The following CFAP58 variants were observed in gnomAD, a reference collection of about 807,000 sequenced individuals.
CFAP58 encodes the protein cilia- and flagella-associated protein 58.
In CFAP58, 88 loss-of-function variants were observed where a neutral mutation model predicts 119.5. The observed-to-expected ratio is 0.74, with a 90% CI of 0.62 to 0.88. The LOEUF (loss-of-function observed/expected upper bound fraction) is 0.88. Among genes scored for constraint, CFAP58 ranks in the 40% least tolerant of loss-of-function variants. The pLI is 0.00. For missense variants in CFAP58, 990 were observed against 1,021.2 expected, an observed-to-expected ratio of 0.97 and a Z score of 0.42; for synonymous variants, 365 against 366.3, an observed-to-expected ratio of 1.00 and a Z score of 0.04.
intron 1 of CFAP58, among the ~76,000 whole-genome samples, chr10:104,357,855 A>ACACATATATG (rs1564875605): frequency 1.7e-4 from 8 of 46,726 alleles, no homozygotes; most frequent in South Asian, 4.7e-4. Context: ...GTACACATAT[A>ACACATATATG]TACACATATA....
chr10:104,375,229 C>G (rs1016093696), intron 7 of CFAP58, among the ~76,000 whole-genome samples: 1 of 149,736 alleles, frequency 6.7e-6, no homozygotes, highest in African/African-American at 2.4e-5. Context: ...TGTGTATTTA[C>G]AAATATATAT....
At chr10:104,390,672 G>T (rs918412135) in intron 9 of CFAP58, among the ~76,000 whole-genome samples, 1 of 152,124 alleles carries the variant, frequency 6.6e-6, no homozygotes, top group Non-Finnish European at 1.5e-5. Context: ...TGAAAAATAT[G>T]GAAGAATACA....
chr10:104,395,854 T>G (rs1214110642), intron 11 of CFAP58, among the ~76,000 whole-genome samples: 1 of 152,234 alleles, frequency 6.6e-6, no homozygotes, highest in Non-Finnish European at 1.5e-5. Flanking sequence ...TAAGATACCC[T>G]TGGACAGGAC....
At chr10:104,383,688 G>C (rs2011863273) in intron 9 of CFAP58, among the ~76,000 whole-genome samples, 1 of 151,664 alleles carries the variant, frequency 6.6e-6, no homozygotes, top group Non-Finnish European at 1.5e-5. Flanking sequence ...GTGCATCTCT[G>C]GACTTCTTAA....
At chr10:104,379,159 A>AG (rs146611068) in intron 8 of CFAP58, among the ~76,000 whole-genome samples, 1,708 of 152,142 alleles carry the variant, frequency 0.011, 29 homozygotes, top group African/African-American at 0.039. Flanking sequence ...CCTATTCAGC[A>AG]GCCACTCTCT....
At position 104,454,570 on chromosome 10, in the gene CFAP58, A is replaced by T. The variant is rs772631892; in HGVS notation, c.*40A>T. ...CTGTTTCCAGTTGAACAACTCATGA[A>T]ATCTGCTCTGGGACATTTTGGGGGA... On this transcript the variant is annotated 3_prime_UTR_variant, in exon 18 of 18. Transcript: ENST00000369704. The T allele has an allele frequency of 6.9e-7, 1 of 1,445,012 alleles. No individual in the cohort carries two copies. Among genetic ancestry groups the T allele is most frequent in the Non-Finnish European group, 9.7e-7 (1 of 1,026,718 alleles). The allele number at this position is 1,445,012 out of a possible 1,614,324, so 89.5% of individuals were successfully genotyped here.
upstream of CFAP58, chr10:104,351,785 C>T (rs2014462138): frequency 6.6e-6 from 1 of 151,682 alleles, no homozygotes; most frequent in Non-Finnish European, 1.5e-5. Context: ...TAAATAATAC[C>T]AAAAAACTAT....
At chr10:104,404,221 A>G (rs756535736) in intron 14 of CFAP58, among the ~76,000 whole-genome samples, 14 of 152,178 alleles carry the variant, frequency 9.2e-5, no homozygotes, top group Admixed American at 5.2e-4. Flanking sequence ...CCATCTTTCA[A>G]TTGATCTTTG....
chr10:104,405,400 CCATGTGTTTT>C (rs2012342167), intron 14 of CFAP58, among the ~76,000 whole-genome samples: 1 of 152,166 alleles, frequency 6.6e-6, no homozygotes, highest in Non-Finnish European at 1.5e-5. Context: ...TTAGTTTATT[CCATGTGTTTT>C]CATGCAGATC....
At chr10:104,344,686 T>G in the CFAP58 span, among the ~76,000 whole-genome samples, 1 of 152,122 alleles carries the variant, frequency 6.6e-6, no homozygotes, top group African/African-American at 2.4e-5. Flanking sequence ...GTCTCTGCTG[T>G]CCTAGAGGTT....
At position 104,365,922 on chromosome 10, in the gene CFAP58, C is replaced by A. The variant is rs540840290; in HGVS notation, c.706C>A (p.Gln236Lys). 2.3e-5 allele frequency: 37 copies of A among 1,613,446 alleles called. No individual in the cohort carries two copies. The South Asian group carries it at 4.0e-4, about 17-fold the overall frequency. The change falls in exon 5 of 18, where the codon CAG becomes AAG. Residue 236 changes from glutamine (Q) to lysine (K), a missense_variant. Transcript: ENST00000369704. The part of the protein sequence containing the change: ...KQIQADMDSR[Q>K]TEIKALQQYV... Reference sequence around the variant, plus strand: ...GATTCAGGCAGACATGGACAGCAGGCAGACAGAAATAAAAGCCCTGCAGCA... The same window carrying A: ...GATTCAGGCAGACATGGACAGCAGGAAGACAGAAATAAAAGCCCTGCAGCA...
chr10:104,431,532 T>A (rs1220393183), intron 15 of CFAP58, among the ~76,000 whole-genome samples: 1 of 152,184 alleles, frequency 6.6e-6, no homozygotes, highest in Non-Finnish European at 1.5e-5. Flanking sequence ...AAAATGTTAA[T>A]GCAGAAAAGT....
At position 104,454,644 on chromosome 10, in the gene CFAP58, G is replaced by C; in HGVS notation, c.*114G>C. 1 of 747,272 alleles carries C rather than the reference G, an allele frequency of 1.3e-6. No homozygotes were observed. The highest frequency in any genetic ancestry group is 2.3e-6 in the Non-Finnish European group (1 of 430,696). 46.3% of individuals were successfully genotyped at this position (747,272 alleles called of 1,614,324 possible). On this transcript the variant is annotated 3_prime_UTR_variant, in exon 18 of 18. Coordinates refer to ENST00000369704, the MANE Select transcript of CFAP58 (RefSeq NM_001008723.2). ...AACTGAGTGCTGAGAATCCAGGATG[G>C]AAAGAAATGCAGAACTATCATAGTC...
chr10:104,340,863 C>T, the CFAP58 span, among the ~76,000 whole-genome samples: 1 of 152,092 alleles, frequency 6.6e-6, no homozygotes, highest in African/African-American at 2.4e-5. Flanking sequence ...AGGCTGGAAC[C>T]CTGGAAAGGC....
chr10:104,346,631 G>GTTTTTTTTTTT, the CFAP58 span, among the ~76,000 whole-genome samples: 44 of 94,864 alleles, frequency 4.6e-4, no homozygotes, highest in Non-Finnish European at 6.2e-4. Flanking sequence ...GAGCCATTTA[G>GTTTTTTTTTTT]TCTTTTTTTT....
At chr10:104,411,717 C>T (rs2012463345) in intron 15 of CFAP58, among the ~76,000 whole-genome samples, 2 of 151,116 alleles carry the variant, frequency 1.3e-5, no homozygotes, top group South Asian at 4.2e-4. Context: ...ACCTCAAACT[C>T]TTGTGACAGA....
intron 9 of CFAP58, among the ~76,000 whole-genome samples, chr10:104,384,436 C>G (rs2011880884): frequency 6.6e-6 from 1 of 152,142 alleles, no homozygotes; most frequent in African/African-American, 2.4e-5. Flanking sequence ...TAAATCCTGT[C>G]TTGCTCAAGA....
intron 6 of CFAP58, among the ~76,000 whole-genome samples, chr10:104,368,967 ACT>A (rs1336946031): frequency 6.6e-6 from 1 of 152,202 alleles, no homozygotes; most frequent in Non-Finnish European, 1.5e-5. Context: ...CCTAGGGTCT[ACT>A]TACAGGATTG....
chr10:104,379,341 A>G (rs2011734475), intron 8 of CFAP58, among the ~76,000 whole-genome samples: 1 of 152,234 alleles, frequency 6.6e-6, no homozygotes, highest in African/African-American at 2.4e-5. Context: ...ACGCATCAGT[A>G]CTTCATTTCT....
Sources: allele counts gnomAD v4.1 joint callset (sites outside exome capture counted in the v4.1 genomes callset), GRCh38; gene constraint gnomAD v4.1.1; transcripts MANE v1.5; gene names NCBI Gene and HGNC (gene_info 2026-07-23, HGNC 2026-07-21).